The following MBNL2 variants were observed in gnomAD, a reference collection of about 807,000 sequenced individuals.
MBNL2 encodes the protein muscleblind-like protein 2.
Under a neutral mutation model 41.9 loss-of-function variants are expected in MBNL2, and 17 were observed. The ratio of observed to expected loss-of-function variants is 0.41; its 90% confidence interval spans 0.28 to 0.61. The LOEUF is 0.61. Among genes scored for constraint, MBNL2 ranks in the 20% least tolerant of loss-of-function variants. MBNL2 has a pLI of 0.35. For missense variants in MBNL2, 336 were observed against 505.6 expected, an observed-to-expected ratio of 0.66 and a Z score of 3.22; for synonymous variants, 195 against 182.9, an observed-to-expected ratio of 1.07 and a Z score of -0.53.
chr13:97,306,286 G>T (rs2058115431), intron 2 of MBNL2, among the ~76,000 whole-genome samples: 1 of 152,178 alleles, frequency 6.6e-6, no homozygotes, highest in South Asian at 2.1e-4. Context: ...TCCACCAACT[G>T]CCCTGGATGA....
At chr13:97,167,826 A>C in the MBNL2 span, among the ~76,000 whole-genome samples, 12 of 152,236 alleles carry the variant, frequency 7.9e-5, no homozygotes, top group Admixed American at 3.3e-4. Context: ...TCTGTCTCAG[A>C]AAGGGTCTGT....
chr13:97,206,033 G>T, the MBNL2 span, among the ~76,000 whole-genome samples: 1 of 152,096 alleles, frequency 6.6e-6, no homozygotes, highest in South Asian at 2.1e-4. Context: ...AGTTATTTTT[G>T]AGATTATAGA....
chr13:97,384,818 G>T lies in MBNL2; in HGVS notation c.1049-6504G>T, dbSNP rs190726020. Among the ~76,000 whole-genome samples, 6 of 152,212 alleles carry T rather than the reference G, an allele frequency of 3.9e-5. No individual in the cohort carries two copies. In the East Asian group the frequency reaches 1.2e-3, roughly 29 times the overall value. ...ACAGGGCCTTGTAACCATGGCAAAA[G>T]ATTTCTAAGAAACCTACCAAGTCTA... On this transcript the variant is annotated intron_variant, in intron 8 of 8. Coordinates refer to ENST00000679496, the MANE Select transcript of MBNL2 (RefSeq NM_001382683.1).
At chr13:97,221,031 G>T (rs2040815016), upstream of MBNL2, among the ~76,000 whole-genome samples, 1 of 152,100 alleles carries the variant, frequency 6.6e-6, no homozygotes. Context: ...AAACTGAGGG[G>T]AATAAAGCAT....
At chr13:97,177,334 C>G in the MBNL2 span, among the ~76,000 whole-genome samples, 1 of 152,118 alleles carries the variant, frequency 6.6e-6, no homozygotes, top group Non-Finnish European at 1.5e-5. Context: ...ATGAGAGACT[C>G]TGTCTCCAAA....
rs1275079825 is a variant in MBNL2 at position 97,392,254 on chromosome 13, C to G, written c.*805C>G. On this transcript the variant is annotated 3_prime_UTR_variant, in exon 9 of 9. Coordinates refer to ENST00000679496, the MANE Select transcript of MBNL2 (RefSeq NM_001382683.1). ...CATCCAGTTGCCTGTTACAGAATAA[C>G]TCTTCTTAACTAAAAACCTAGTCAA... The G allele has an allele frequency of 6.6e-6, 1 of 152,566 alleles. No individual in the cohort carries two copies. Among genetic ancestry groups the G allele is most frequent in the Non-Finnish European group, 1.5e-5 (1 of 68,010 alleles). 9.5% of individuals were successfully genotyped at this position (152,566 alleles called of 1,614,324 possible). A position where few individuals can be genotyped will look rare whatever the true frequency, so the allele number is the denominator to read the frequency against.
the MBNL2 span, among the ~76,000 whole-genome samples, chr13:97,171,902 G>C: frequency 6.6e-6 from 1 of 152,046 alleles, no homozygotes; most frequent in Non-Finnish European, 1.5e-5. Flanking sequence ...AACTCTTTTT[G>C]CTCGGCTCTC....
chr13:97,186,793 T>G, the MBNL2 span, among the ~76,000 whole-genome samples: 2 of 152,148 alleles, frequency 1.3e-5, no homozygotes, highest in African/African-American at 4.8e-5. Context: ...AAACTTCAAA[T>G]GATCATTCTG....
the MBNL2 span, among the ~76,000 whole-genome samples, chr13:97,168,708 CAAAT>C: frequency 1.3e-5 from 2 of 152,088 alleles, no homozygotes; most frequent in Non-Finnish European, 2.9e-5. Context: ...ATAATGTAAA[CAAAT>C]AATCACTCAG....
chr13:97,319,692 G>C (rs536903458), intron 2 of MBNL2, among the ~76,000 whole-genome samples: 1 of 152,230 alleles, frequency 6.6e-6, no homozygotes, highest in African/African-American at 2.4e-5. Flanking sequence ...TAATATCAAG[G>C]ATGATTTTTA....
At chr13:97,231,893 A>T (rs1429572346) in intron 1 of MBNL2, among the ~76,000 whole-genome samples, 1 of 152,106 alleles carries the variant, frequency 6.6e-6, no homozygotes, top group Non-Finnish European at 1.5e-5. Flanking sequence ...GGAGCCCAGA[A>T]GTCTGATGTG....
rs1594238725 is a variant in MBNL2, at chr13:97,343,089, C to A, written c.413C>A (p.Thr138Asn). ...TTTGCTCCTTACCTAGCACCTGTAA[C>A]CCCTGGAGTTGGGTTGGTCCCAACG... ...ISFAPYLAPVTPGVGLVPTEI... is the reference protein window; with the variant it reads ...ISFAPYLAPVNPGVGLVPTEI... The change falls in exon 4 of 9, where the codon ACC (threonine) becomes AAC (asparagine). Residue 138 changes from threonine to asparagine, a missense_variant. By Grantham distance (65) the Thr-to-Asn change is moderately conservative (BLOSUM62 0). Transcript: ENST00000679496. 3.1e-6 allele frequency: 5 copies of A among 1,613,926 alleles called. No individual in the cohort carries two copies. The South Asian group carries it at 4.4e-5, about 14-fold the overall frequency.
the MBNL2 span, among the ~76,000 whole-genome samples, chr13:97,188,129 A>G: frequency 6.6e-6 from 1 of 152,306 alleles, no homozygotes; most frequent in South Asian, 2.1e-4. Flanking sequence ...ATGAAGTTAC[A>G]AAAGGTGAGA....
At chr13:97,255,753 T>A (rs1359701091) in intron 1 of MBNL2, among the ~76,000 whole-genome samples, 3 of 152,204 alleles carry the variant, frequency 2.0e-5, no homozygotes, top group Non-Finnish European at 2.9e-5. Context: ...TGTGTTTAGA[T>A]ATAACACAGG....
At chr13:97,379,385 A>C (rs1005497203) in intron 8 of MBNL2, among the ~76,000 whole-genome samples, 7 of 152,206 alleles carry the variant, frequency 4.6e-5, no homozygotes, top group Non-Finnish European at 8.8e-5. Context: ...ATCGAGACTC[A>C]CTTTTTAATT....
intron 7 of MBNL2, 143 bp downstream of exon 7, chr13:97,357,778 G>A (rs1201543009): frequency 1.2e-6 from 1 of 826,660 alleles, no homozygotes; most frequent in Non-Finnish European, 2.1e-6. Flanking sequence ...CTATCTAAAT[G>A]TATTTACCTT....
At chr13:97,151,230 T>C in the MBNL2 span, among the ~76,000 whole-genome samples, 33 of 152,258 alleles carry the variant, frequency 2.2e-4, no homozygotes, top group African/African-American at 7.5e-4. Context: ...CGGTGGCAGA[T>C]GCTTTTCAAA....
chr13:97,291,900 CAA>C (rs763407208), intron 2 of MBNL2, among the ~76,000 whole-genome samples: 1 of 37,826 alleles, frequency 2.6e-5, no homozygotes, highest in Non-Finnish European at 3.8e-5. Context: ...GTCTCCGTCT[CAA>C]AAAAAAAAAA....
intron 2 of MBNL2, among the ~76,000 whole-genome samples, chr13:97,289,271 C>T (rs1399783007): frequency 1.3e-5 from 2 of 152,182 alleles, no homozygotes; most frequent in Non-Finnish European, 2.9e-5. Context: ...ATCTGGTCTA[C>T]ATCTCAAATC....
Sources: gnomAD v4.1 joint callset for allele counts (sites outside exome capture counted in the v4.1 genomes callset) on GRCh38, gnomAD v4.1.1 for gene constraint, MANE v1.5 for transcripts, NCBI Gene and HGNC (gene_info 2026-07-23, HGNC 2026-07-21) for gene names.